The following PLEKHG1 variants were observed in gnomAD, a reference collection of about 807,000 sequenced individuals.
PLEKHG1 encodes the protein pleckstrin homology and RhoGEF domain containing G1, also known as pleckstrin homology domain-containing family G member 1.
PLEKHG1 carries 44 observed loss-of-function variants against 100.8 expected under a neutral mutation model. The observed-to-expected ratio is 0.44, with a 90% CI of 0.34 to 0.56. The LOEUF (loss-of-function observed/expected upper bound fraction) is 0.56, where lower values mean the gene tolerates loss of function less well. Ranked by LOEUF, PLEKHG1 falls within the 20% of genes least tolerant of loss-of-function variation. PLEKHG1 has a pLI of 0.01. For missense variants in PLEKHG1, 1,545 were observed against 1,720.9 expected, an observed-to-expected ratio of 0.90 and a Z score of 1.81; for synonymous variants, 640 against 662.5, an observed-to-expected ratio of 0.97 and a Z score of 0.52.
Position 150,735,587 on chromosome 6 carries a change from G to A in PLEKHG1, c.411+1495G>A, listed in dbSNP as rs532862801. Among the ~76,000 whole-genome samples the A allele has an allele frequency of 3.9e-5, 6 of 152,288 alleles. No homozygotes were observed. In the East Asian group the frequency reaches 9.6e-4, roughly 24 times the overall value. On this transcript the variant is annotated intron_variant, in intron 2 of 15. Transcript: ENST00000358517. ...TAGAAAAGTCAATTGATGGTCAACC[G>A]AAACAATATGTGGTACCAAATGTAG...
At chr6:150,755,051 CT>C (rs1439581422) in intron 2 of PLEKHG1, among the ~76,000 whole-genome samples, 5 of 151,852 alleles carry the variant, frequency 3.3e-5, no homozygotes, top group Non-Finnish European at 7.4e-5. Flanking sequence ...TCATACCTCG[CT>C]GCAGCCTTGA....
intron 2 of PLEKHG1, among the ~76,000 whole-genome samples, chr6:150,751,153 A>C (rs1029801999): frequency 3.3e-5 from 5 of 152,214 alleles, no homozygotes; most frequent in African/African-American, 9.6e-5. Flanking sequence ...TATTTCAGAA[A>C]ATTATTTTAA....
intron 1 of PLEKHG1, among the ~76,000 whole-genome samples, chr6:150,629,120 A>G (rs142099180): frequency 2.8e-4 from 42 of 152,350 alleles, no homozygotes; most frequent in Middle Eastern, 3.4e-3. Context: ...TGGTACACAC[A>G]GGTGGTGTGT....
intron 3 of PLEKHG1, among the ~76,000 whole-genome samples, chr6:150,692,513 A>G (rs1455137697): frequency 2.6e-5 from 4 of 152,266 alleles, no homozygotes; most frequent in African/African-American, 9.6e-5. Flanking sequence ...GAAAGAAAAG[A>G]ATTTTTCCTA....
At chr6:150,741,905 A>ACTT (rs1437498675) in intron 2 of PLEKHG1, among the ~76,000 whole-genome samples, 1 of 152,202 alleles carries the variant, frequency 6.6e-6, no homozygotes, top group Non-Finnish European at 1.5e-5. Context: ...AGCAAGGCTG[A>ACTT]CTTCTATCCA....
chr6:150,641,655 C>T (rs916443224), intron 2 of PLEKHG1, among the ~76,000 whole-genome samples: 13 of 151,954 alleles, frequency 8.6e-5, no homozygotes, highest in Non-Finnish European at 1.5e-4. Flanking sequence ...TGCTGTGGAA[C>T]GTGTGGATGA....
chr6:150,643,344 G>A (rs978104365), intron 2 of PLEKHG1, among the ~76,000 whole-genome samples: 1 of 152,148 alleles, frequency 6.6e-6, no homozygotes, highest in Non-Finnish European at 1.5e-5. Context: ...GATTCTGGAA[G>A]TATCTGGTAT....
At chr6:150,839,260 G>A (rs995646348) in intron 15 of PLEKHG1, among the ~76,000 whole-genome samples, 1 of 152,112 alleles carries the variant, frequency 6.6e-6, no homozygotes, top group Non-Finnish European at 1.5e-5. Context: ...GACTACAGGT[G>A]CACGCCACCA....
chr6:150,634,863 G>T (rs1016343351), intron 1 of PLEKHG1, among the ~76,000 whole-genome samples: 1 of 152,228 alleles, frequency 6.6e-6, no homozygotes, highest in African/African-American at 2.4e-5. Flanking sequence ...ACAAGGCTGT[G>T]GTTTGTAGCC....
At chr6:150,632,622 CA>C (rs1777811425) in intron 1 of PLEKHG1, among the ~76,000 whole-genome samples, 1 of 152,232 alleles carries the variant, frequency 6.6e-6, no homozygotes, top group South Asian at 2.1e-4. Context: ...AGGCTGGTAA[CA>C]AATGTCCTAG....
In PLEKHG1 at chr6:150,830,665, C is replaced by G. The variant is rs747744574; in HGVS notation, c.1554C>G (p.Thr518=). 6.2e-6 allele frequency: 10 copies of G among 1,614,106 alleles called. No individual in the cohort carries two copies. The South Asian group carries it at 9.9e-5, about 16-fold the overall frequency. Residue 518 remains threonine (T), a synonymous_variant, in exon 15 of 16, where the codon ACC becomes ACG. Coordinates refer to ENST00000358517, the Ensembl canonical transcript of PLEKHG1. ...GAAATAGTCAGCCTAGCAGTTCTAC[C>G]ATGATCAGCGTGCTTCGAGCGGGTG...
At chr6:150,609,966 C>T (rs1776753218) in intron 1 of PLEKHG1, among the ~76,000 whole-genome samples, 1 of 152,150 alleles carries the variant, frequency 6.6e-6, no homozygotes, top group Admixed American at 6.5e-5. Flanking sequence ...AGAAAAGTAC[C>T]CAAAGCGGCT....
At chr6:150,679,023 C>A (rs981727742) in intron 3 of PLEKHG1, among the ~76,000 whole-genome samples, 14 of 152,062 alleles carry the variant, frequency 9.2e-5, no homozygotes, top group African/African-American at 3.4e-4. Context: ...TCTGAAAAAA[C>A]AATATTAATG....
intron 1 of PLEKHG1, among the ~76,000 whole-genome samples, chr6:150,635,283 G>C (rs1420781655): frequency 1.3e-5 from 2 of 151,882 alleles, no homozygotes; most frequent in East Asian, 1.9e-4. Context: ...TGCAAATTTT[G>C]CTCTTGATAA....
chr6:150,800,920 GTA>G, intron 6 of PLEKHG1, 51 bp downstream of exon 7: 1 of 1,503,476 alleles, frequency 6.7e-7, no homozygotes, highest in Non-Finnish European at 9.2e-7. Context: ...AGTTTTGTGT[GTA>G]TATATTAAGT....
intron 14 of PLEKHG1, chr6:150,828,419 T>C: frequency 1.3e-6 from 2 of 1,540,318 alleles, no homozygotes; most frequent in Non-Finnish European, 1.8e-6. Flanking sequence ...AACTTTCTTG[T>C]GACAAATTGT....
chr6:150,755,586 C>T (rs374707227), intron 2 of PLEKHG1, among the ~76,000 whole-genome samples: 27 of 152,274 alleles, frequency 1.8e-4, no homozygotes, highest in African/African-American at 5.1e-4. Flanking sequence ...TTGAATGGAC[C>T]ATGTGTGCAG....
chr6:150,630,927 C>T (rs532952060), intron 1 of PLEKHG1, among the ~76,000 whole-genome samples: 1 of 152,140 alleles, frequency 6.6e-6, no homozygotes, highest in Admixed American at 6.5e-5. Flanking sequence ...ATCCTAGCAG[C>T]TGGAAAGTAA....
rs140449149 is a variant in PLEKHG1 at position 150,670,053 on chromosome 6, G to A, written c.-99+19267G>A. Among the ~76,000 whole-genome samples, 592 of 152,282 alleles carry A rather than the reference G, an allele frequency of 3.9e-3. 4 individuals carry two copies. The highest frequency in any genetic ancestry group is 0.013 in the African/African-American group (557 of 41,562). On this transcript the variant is annotated intron_variant, in intron 3 of 3. Coordinates refer to the PLEKHG1 transcript ENST00000367326. ...GGGATTTTTGTGTTTAAAGAAAACAGTGGCTTTATTAATTTTTACCCTTGG... is the reference window on the plus strand; with the variant it reads ...GGGATTTTTGTGTTTAAAGAAAACAATGGCTTTATTAATTTTTACCCTTGG...
Sources: gnomAD v4.1 joint callset for allele counts (sites outside exome capture counted in the v4.1 genomes callset) on GRCh38, gnomAD v4.1.1 for gene constraint, MANE v1.5 for transcripts, NCBI Gene and HGNC (gene_info 2026-07-23, HGNC 2026-07-21) for gene names.